Variants in LAMC3 observed in about 807,000 individuals in gnomAD.
LAMC3 encodes laminin subunit gamma-3.
A neutral mutation model predicts 173.8 loss-of-function variants in LAMC3; 128 were observed. The observed-to-expected ratio is 0.74, with a 90% CI of 0.64 to 0.85. The LOEUF (loss-of-function observed/expected upper bound fraction) is 0.85, where lower values mean the gene tolerates loss of function less well. Among genes scored for constraint, LAMC3 ranks in the 40% least tolerant of loss-of-function variants. The pLI is 0.00. For missense variants in LAMC3, 2,022 were observed against 2,156.0 expected (o/e 0.94, Z 1.23); for synonymous variants, 897 against 909.1 (o/e 0.99, Z 0.24).
At position 131,024,314 on chromosome 9, in the gene LAMC3, T is replaced by C. The variant is rs145866293; in HGVS notation, c.374-1971T>C. Among the ~76,000 whole-genome samples the C allele has an allele frequency of 3.1e-3, 468 of 152,120 alleles. 3 individuals carry two copies. Among genetic ancestry groups the C allele is most frequent in the African/African-American group, 0.01 (433 of 41,504 alleles). On this transcript the variant is annotated intron_variant, in intron 1 of 27. Coordinates refer to ENST00000361069, the MANE Select transcript of LAMC3 (RefSeq NM_006059.4). Reference sequence around the variant, plus strand: ...GCGCCCACCACCACACCTGGCTAATTTTTTTATTTTTAGTAGAGACAGGGA... The same window carrying C: ...GCGCCCACCACCACACCTGGCTAATCTTTTTATTTTTAGTAGAGACAGGGA...
At chr9:131,045,377 A>C in intron 7 of LAMC3, 147 bp from the exon 8 acceptor site, 1 of 820,660 alleles carries the variant, frequency 1.2e-6, no homozygotes, top group Non-Finnish European at 2.0e-6. Flanking sequence ...TAATGTTCTT[A>C]CTACTCTTCT....
chr9:131,017,212 C>T (rs1411696125), intron 1 of LAMC3, among the ~76,000 whole-genome samples: 1 of 152,158 alleles, frequency 6.6e-6, no homozygotes, highest in African/African-American at 2.4e-5. Context: ...CCTTGGTAAA[C>T]ATCTAGCAGC....
Position 131,082,218 on chromosome 9 carries a change from C to T in LAMC3, c.4030+57C>T, listed in dbSNP as rs1830254570. ...TAATGACGAACGCCCCTGACAGCCA[C>T]TCACCTCTCGCCTCAGCCAGGGCAG... On this transcript the variant is annotated intron_variant, in intron 24 of 27. Coordinates refer to ENST00000361069, the MANE Select transcript of LAMC3 (RefSeq NM_006059.4). The T allele has an allele frequency of 3.1e-6, 4 of 1,293,174 alleles. No individual in the cohort carries two copies. The East Asian group carries it at 7.4e-5, about 24-fold the overall frequency. 80.1% of individuals were successfully genotyped at this position (1,293,174 alleles called of 1,614,324 possible).
At chr9:131,079,771 G>C (rs1430656560) in intron 23 of LAMC3, among the ~76,000 whole-genome samples, 1 of 152,048 alleles carries the variant, frequency 6.6e-6, no homozygotes, top group Non-Finnish European at 1.5e-5. Flanking sequence ...GCCTGAGATA[G>C]GGGAGGGGAC....
At chr9:131,035,175 C>A (rs1833919291) in intron 3 of LAMC3, among the ~76,000 whole-genome samples, 1 of 152,156 alleles carries the variant, frequency 6.6e-6, no homozygotes, top group African/African-American at 2.4e-5. Flanking sequence ...GTCTCCAACT[C>A]CTGACCTCAG....
intron 13 of LAMC3, among the ~76,000 whole-genome samples, chr9:131,065,059 A>AAAAAAAG (rs57431746): frequency 4.4e-5 from 6 of 135,282 alleles, no homozygotes; most frequent in East Asian, 2.1e-4. Flanking sequence ...AAAAAAAAAA[A>AAAAAAAG]GAAAAGGAAA....
At position 131,075,855 on chromosome 9, in the gene LAMC3, C is replaced by A. The variant is rs773360652; in HGVS notation, c.3519C>A (p.Ile1173=). 1 of 1,612,226 alleles carries A rather than the reference C, an allele frequency of 6.2e-7. No individual in the cohort carries two copies. Among genetic ancestry groups the A allele is most frequent in the Non-Finnish European group, 8.5e-7 (1 of 1,179,288 alleles). Residue 1173 remains isoleucine, a synonymous_variant, in exon 21 of 28, where the codon ATC becomes ATA. Coordinates refer to ENST00000361069, the MANE Select transcript of LAMC3 (RefSeq NM_006059.4). ...GCCACAGAGACACCGCCACCAAGAT[C>A]GCAGCCACTGCTTGGAGGGCCCTGC... ...ARSHRDTATK[I]AATAWRALLA...
At chr9:131,076,067 C>G in intron 21 of LAMC3, 102 bp downstream of exon 21, 1 of 1,205,514 alleles carries the variant, frequency 8.3e-7, no homozygotes, top group Non-Finnish European at 1.1e-6. Context: ...TCCCTTGAGT[C>G]CTGACGTTCT....
intron 24 of LAMC3, among the ~76,000 whole-genome samples, chr9:131,084,163 G>T (rs1047258464): frequency 6.6e-6 from 1 of 151,640 alleles, no homozygotes; most frequent in Non-Finnish European, 1.5e-5. Flanking sequence ...GATTACAGGC[G>T]TAAGTCACCG....
intron 11 of LAMC3, among the ~76,000 whole-genome samples, chr9:131,055,524 A>G (rs1317019356): frequency 7.2e-6 from 1 of 138,460 alleles, no homozygotes; most frequent in Non-Finnish European, 1.5e-5. Flanking sequence ...TCCCGGGTTC[A>G]TGTCATCCTC....
chr9:131,087,876 C>A (rs1830359760), intron 27 of LAMC3, 59 bp downstream of exon 27: 1 of 1,340,464 alleles, frequency 7.5e-7, no homozygotes, highest in Non-Finnish European at 1.1e-6. Context: ...CCTCTAGGAT[C>A]TTCCTGTGAG....
rs1414649423 is a variant in LAMC3 at position 131,086,356 on chromosome 9, G to T, written c.4230+633G>T. 3.3e-5 allele frequency among the ~76,000 whole-genome samples: 5 copies of T among 150,720 alleles called. No individual in the cohort carries two copies. The South Asian group carries it at 1.0e-3, about 31-fold the overall frequency. ...GCCTCCCAAAGTGCTGGGATTACAGGTGTGAGCCACTGCACCCAGCTTAAG... is the reference window on the plus strand; with the variant it reads ...GCCTCCCAAAGTGCTGGGATTACAGTTGTGAGCCACTGCACCCAGCTTAAG... On this transcript the variant is annotated intron_variant, in intron 25 of 27. Transcript: ENST00000361069.
Position 131,085,623 on chromosome 9 carries a change from C to T in LAMC3, c.4130C>T (p.Thr1377Ile), listed in dbSNP as rs144662546. 3.5e-4 allele frequency: 558 copies of T among 1,614,110 alleles called. 3 individuals are homozygous for T. The African/African-American group carries it at 6.7e-3, about 19-fold the overall frequency. The change falls in exon 25 of 28, where the codon ACC becomes ATC. Residue 1377 changes from threonine (T) to isoleucine (I), a missense_variant. Physicochemically the swap from Thr to Ile is moderately conservative, Grantham distance 89 (BLOSUM62 -1). Transcript: ENST00000361069. ...CTCCTTGCAGACACGAGAAAGAAGACCAAGCAGGCGGAGAGGATGCTGGGA... is the reference window on the plus strand; with the variant it reads ...CTCCTTGCAGACACGAGAAAGAAGATCAAGCAGGCGGAGAGGATGCTGGGA... ...DRLLADTRKKTKQAERMLGNA... is the reference protein window; with the variant it reads ...DRLLADTRKKIKQAERMLGNA...
At chr9:131,057,725 CA>C (rs1564379650) in intron 12 of LAMC3, among the ~76,000 whole-genome samples, 1 of 152,170 alleles carries the variant, frequency 6.6e-6, no homozygotes, top group African/African-American at 2.4e-5. Context: ...TCTGTTTCTA[CA>C]CAAAGCCATA....
chr9:131,031,957 C>A, intron 2 of LAMC3, 88 bp from the exon 3 acceptor site: 1 of 1,610,692 alleles, frequency 6.2e-7, no homozygotes, highest in South Asian at 1.1e-5. Flanking sequence ...GCTCCCGGGG[C>A]AGCCAGCTGG....
chr9:131,026,729 A>T lies in LAMC3; in HGVS notation c.678+140A>T. ...TTTCTTTTTCTTCTTTTATTTTTGG[A>T]GACTGAGTCTTGCTCTGTCGCCCAG... is the stretch of plus-strand genomic sequence containing the variant. On this transcript the variant is annotated intron_variant, in intron 2 of 27. Transcript: ENST00000361069. This position sits in a 1 kb window ranked among gnomAD's most constrained non-coding sequence, Gnocchi z 4.8. 1 of 1,377,964 alleles carries T rather than the reference A, an allele frequency of 7.3e-7. No homozygotes were observed. The highest frequency in any genetic ancestry group is 9.5e-7 in the Non-Finnish European group (1 of 1,050,206). 85.4% of individuals were successfully genotyped at this position (1,377,964 alleles called of 1,614,324 possible). A position where few individuals can be genotyped will look rare whatever the true frequency, so the allele number is the denominator to read the frequency against.
At chr9:131,052,730 GT>G (rs1834316318) in intron 10 of LAMC3, 47 bp downstream of exon 10, 1 of 1,551,046 alleles carries the variant, frequency 6.4e-7, no homozygotes, top group African/African-American at 1.4e-5. Flanking sequence ...GAGAGGGGTG[GT>G]CTCTGAGGTC....
chr9:131,075,918 G>C lies in LAMC3; in HGVS notation c.3582G>C (p.Leu1194=). ...CCAGCTACGCGCTTCTCTGGAATCT[G>C]CTGGAGGGAAGGGTGGCCCTAGAGA... ...SNTSYALLWN[L]LEGRVALETQ... The change falls in exon 21 of 28, where the codon CTG becomes CTC. Residue 1194 remains leucine (L), a synonymous_variant. Transcript: ENST00000361069. 6.2e-7 allele frequency: 1 copy of C among 1,611,670 alleles called. No individual in the cohort carries two copies. Among genetic ancestry groups the C allele is most frequent in the Non-Finnish European group, 8.5e-7 (1 of 1,178,586 alleles).
chr9:131,047,986 T>G (rs1834204156), intron 8 of LAMC3, among the ~76,000 whole-genome samples: 1 of 150,246 alleles, frequency 6.7e-6, no homozygotes, highest in South Asian at 2.1e-4. Flanking sequence ...GACCTCATGA[T>G]CCATCTGCCT....
Sources: allele counts gnomAD v4.1 joint callset (sites outside exome capture counted in the v4.1 genomes callset), GRCh38; gene constraint gnomAD v4.1.1; non-coding constraint Gnocchi (gnomAD v3.1); transcripts MANE v1.5; gene names NCBI Gene and HGNC (gene_info 2026-07-23, HGNC 2026-07-21).